KMT2C: variants seen among roughly 807,000 people sequenced by gnomAD.
The protein encoded by KMT2C is lysine methyltransferase 2C.
Under a neutral mutation model 507.9 loss-of-function variants are expected in KMT2C, and 88 were observed. The observed-to-expected ratio is 0.17, with a 90% CI of 0.15 to 0.21. The LOEUF is 0.21. Ranked by LOEUF, KMT2C falls within the 10% of genes least tolerant of loss-of-function variation. KMT2C has a pLI of 1.00. For synonymous variants in KMT2C, 2,049 were observed against 2,080.8 expected, an observed-to-expected ratio of 0.98 and a Z score of 0.42; for missense variants, 4,954 against 5,957.8, an observed-to-expected ratio of 0.83 and a Z score of 5.55.
rs2129098663 is a variant in KMT2C at position 152,154,297 on chromosome 7, T to A, written c.12109A>T (p.Ile4037Phe). The A allele has an allele frequency of 6.2e-7, 1 of 1,614,210 alleles. No individual in the cohort carries two copies. Among genetic ancestry groups the A allele is most frequent in the South Asian group, 1.1e-5 (1 of 91,086 alleles). The change falls in exon 47 of 59, where the codon ATT becomes TTT. Residue 4037 changes from isoleucine (I) to phenylalanine (F), a missense_variant. Around this residue, in one of 29 missense-constraint regions of KMT2C, gnomAD observed 417 missense variants for 461.1 expected, o/e 0.90. Coordinates refer to ENST00000262189, the MANE Select transcript of KMT2C (RefSeq NM_170606.3). ...EPPEPVPSPI[I>F]PILPSTAGKS... ...CCAGCAGTGCTAGGAAGAATTGGAA[T>A]GATGGGGGACGGCACCGGTTCTGGA...
At chr7:152,337,849 C>T (rs1003705620) in intron 2 of KMT2C, among the ~76,000 whole-genome samples, 7 of 151,168 alleles carry the variant, frequency 4.6e-5, no homozygotes, top group Admixed American at 2.6e-4. Context: ...CTCACTTATA[C>T]AACTTGATTT....
intron 1 of KMT2C, among the ~76,000 whole-genome samples, chr7:152,426,401 C>T (rs1432671327): frequency 6.6e-6 from 1 of 151,872 alleles, no homozygotes; most frequent in Non-Finnish European, 1.5e-5. Context: ...CCGCATCCAG[C>T]TATTTTTAAT....
intron 23 of KMT2C, among the ~76,000 whole-genome samples, chr7:152,219,868 T>C (rs1399169402): frequency 6.6e-6 from 1 of 152,040 alleles, no homozygotes; most frequent in East Asian, 1.9e-4. Context: ...CCAGGCGTGG[T>C]GGCCCGCATC....
chr7:152,181,468 T>C lies in KMT2C; in HGVS notation c.6392A>G (p.Tyr2131Cys), dbSNP rs140302980. ...TISRPTSQDP[Y>C]SQPPGTPRPV... is the part of the protein sequence containing the mutation. ...TCGTGGAGTTCCTGGGGGTTGGGAGTATGGGTCCTGAGATGTTGGCCTTGA... is the reference window on the plus strand; with the variant it reads ...TCGTGGAGTTCCTGGGGGTTGGGAGCATGGGTCCTGAGATGTTGGCCTTGA... Residue 2131 changes from tyrosine (Y) to cysteine (C), a missense_variant, in exon 36 of 59, where the codon TAC becomes TGC. Tyr to Cys is a radical substitution (Grantham distance 194). Coordinates refer to ENST00000262189, the MANE Select transcript of KMT2C (RefSeq NM_170606.3). 2 of 1,613,492 alleles carry C rather than the reference T, an allele frequency of 1.2e-6. No individual in the cohort carries two copies. The highest frequency in any genetic ancestry group is 1.1e-5 in the South Asian group (1 of 91,032).
intron 1 of KMT2C, among the ~76,000 whole-genome samples, chr7:152,383,786 G>A (rs1439194433): frequency 6.6e-6 from 1 of 152,168 alleles, no homozygotes; most frequent in African/African-American, 2.4e-5. Context: ...CTACCTTAGA[G>A]GGTTGTCACA....
In KMT2C at chr7:152,138,863, A is replaced by G. The variant is rs1437353750; in HGVS notation, c.14576T>C (p.Val4859Ala). ...TTTGTGTCCTCTCTCAAAAGTCACC[A>G]CTTCAGCCACACAATTAGGTGCACA... is the stretch of plus-strand genomic sequence containing the variant. Reference protein sequence around the residue: ...HSCAPNCVAEVVTFERGHKII... With the variant: ...HSCAPNCVAEAVTFERGHKII... The change falls in exon 58 of 59, where the codon GTG (valine) becomes GCG (alanine). Residue 4859 changes from valine (V) to alanine (A), a missense_variant. Coordinates refer to ENST00000262189, the MANE Select transcript of KMT2C (RefSeq NM_170606.3). The surrounding 1 kb of genome is among the most constrained non-coding windows in gnomAD (Gnocchi z 4.2). 6.2e-7 allele frequency: 1 copy of G among 1,613,718 alleles called. No individual in the cohort carries two copies. Among genetic ancestry groups the G allele is most frequent in the South Asian group, 1.1e-5 (1 of 90,906 alleles).
At chr7:152,178,140 CA>C in intron 37 of KMT2C, 130 bp from the exon 38 acceptor site, 1 of 946,238 alleles carries the variant, frequency 1.1e-6, no homozygotes, top group Non-Finnish European at 1.4e-6. Flanking sequence ...CTATGACTTA[CA>C]AAAGCAAAGC....
intron 6 of KMT2C, among the ~76,000 whole-genome samples, chr7:152,297,055 C>CAGACAGAGAGAG (rs1315629061): frequency 0.021 from 1,790 of 84,340 alleles, 51 homozygotes; most frequent in Middle Eastern, 0.066. Context: ...GAAAGAAAGA[C>CAGACAGAGAGAG]AGAGAGAGAG....
At chr7:152,201,635 A>C (rs1481955766) in intron 26 of KMT2C, among the ~76,000 whole-genome samples, 3 of 147,206 alleles carry the variant, frequency 2.0e-5, no homozygotes, top group Non-Finnish European at 3.0e-5. Context: ...AAAAAAAAAA[A>C]AAAAAAAAGG....
chr7:152,301,593 G>A (rs371531437), intron 6 of KMT2C, among the ~76,000 whole-genome samples: 5 of 152,210 alleles, frequency 3.3e-5, no homozygotes, highest in South Asian at 2.1e-4. Flanking sequence ...AGGCTGAGAC[G>A]GGAGGACTGC....
chr7:152,271,006 A>G (rs77986840), intron 7 of KMT2C, among the ~76,000 whole-genome samples: 1 of 151,728 alleles, frequency 6.6e-6, no homozygotes, highest in Non-Finnish European at 1.5e-5. Context: ...TTAGGAAGCA[A>G]CAGAAAATAC....
intron 6 of KMT2C, among the ~76,000 whole-genome samples, chr7:152,283,202 T>C (rs2096248440): frequency 1.3e-5 from 2 of 152,420 alleles, no homozygotes; most frequent in African/African-American, 2.4e-5. Context: ...TCATAATGTA[T>C]ACAATGATAA....
intron 26 of KMT2C, among the ~76,000 whole-genome samples, chr7:152,200,422 C>T (rs989046385): frequency 6.6e-6 from 1 of 152,138 alleles, no homozygotes; most frequent in Admixed American, 6.5e-5. Context: ...AGTTGAATTA[C>T]ACATACAGTA....
At chr7:152,361,185 G>A (rs1009456422) in intron 1 of KMT2C, among the ~76,000 whole-genome samples, 1 of 152,118 alleles carries the variant, frequency 6.6e-6, no homozygotes, top group Admixed American at 6.5e-5. Flanking sequence ...AGATGAAAAA[G>A]GGTGAATTAG....
At chr7:152,259,442 ACG>A (rs747764672) in intron 9 of KMT2C, among the ~76,000 whole-genome samples, 4,406 of 118,010 alleles carry the variant, frequency 0.037, 144 homozygotes, top group South Asian at 0.043. Flanking sequence ...AGACACACAC[ACG>A]CGCACACACA....
At chr7:152,301,248 T>C (rs1206312873) in intron 6 of KMT2C, among the ~76,000 whole-genome samples, 1 of 149,712 alleles carries the variant, frequency 6.7e-6, no homozygotes, top group Non-Finnish European at 1.5e-5. Context: ...ATCACACCTG[T>C]AGTCCCAACA....
At chr7:152,417,436 AC>A (rs2097750497) in intron 1 of KMT2C, among the ~76,000 whole-genome samples, 1 of 152,000 alleles carries the variant, frequency 6.6e-6, no homozygotes, top group Non-Finnish European at 1.5e-5. Flanking sequence ...CTTTCTTAAC[AC>A]ATATACCCTC....
At chr7:152,421,111 G>A (rs1324610748) in intron 1 of KMT2C, among the ~76,000 whole-genome samples, 3 of 151,570 alleles carry the variant, frequency 2.0e-5, no homozygotes, top group South Asian at 2.1e-4. Flanking sequence ...CTCAAAAGAA[G>A]ACATATGTGG....
chr7:152,195,801 AAC>A (rs1451183287), intron 28 of KMT2C, 104 bp downstream of exon 28: 19 of 616,368 alleles, frequency 3.1e-5, no homozygotes, highest in Admixed American at 4.0e-5. Context: ...CAAAAACAAA[AAC>A]ACAGTTACTG....
Sources: allele counts gnomAD v4.1 joint callset (sites outside exome capture counted in the v4.1 genomes callset), GRCh38; gene constraint gnomAD v4.1.1; regional missense constraint gnomAD v4.1.1; non-coding constraint Gnocchi (gnomAD v3.1); transcripts MANE v1.5; gene names NCBI Gene and HGNC (gene_info 2026-07-23, HGNC 2026-07-21).